DCAF5: variants seen among roughly 807,000 people sequenced by gnomAD.
DCAF5 encodes the protein DDB1- and CUL4-associated factor 5.
In DCAF5, 9 loss-of-function variants were observed where a neutral mutation model predicts 80.7. The ratio of observed to expected loss-of-function variants is 0.11; its 90% confidence interval spans 0.07 to 0.19. The LOEUF is 0.19. Ranked by LOEUF, DCAF5 falls within the 10% of genes least tolerant of loss-of-function variation. The pLI is 1.00. For synonymous variants in DCAF5, 433 were observed against 461.9 expected (o/e 0.94, Z 0.80); for missense variants, 842 against 1,205.7 (o/e 0.70, Z 4.47).
rs1055447114 is a variant in DCAF5, at chr14:69,054,675, A to T, written c.2011T>A (p.Tyr671Asn). 5 of 1,614,108 alleles carry T rather than the reference A, an allele frequency of 3.1e-6. No homozygotes were observed. Among genetic ancestry groups the T allele is most frequent in the Non-Finnish European group, 4.2e-6 (5 of 1,180,044 alleles). The change falls in exon 9 of 9, where the codon TAT becomes AAT. Residue 671 changes from tyrosine to asparagine, a missense_variant. Physicochemically the swap from Tyr to Asn is moderately radical, Grantham distance 143. Around this residue, in one of 5 missense-constraint regions of DCAF5, gnomAD observed 607 missense variants for 656.6 expected, o/e 0.92. Coordinates refer to ENST00000341516, the MANE Select transcript of DCAF5 (RefSeq NM_003861.3). ...TCTTTGTTATTTGAGTAGGAGATAT[A>T]AGAGTAGCGGAGCCACTTGTAAGCT... ...YKAYKWLRYS[Y>N]ISYSNNKDGE...
intron 5 of DCAF5, among the ~76,000 whole-genome samples, chr14:69,102,603 C>CACACACACACACACACACAT (rs2039999045): frequency 6.7e-6 from 1 of 148,824 alleles, no homozygotes; most frequent in Non-Finnish European, 1.5e-5. Flanking sequence ...CACACACACA[C>CACACACACACACACACACAT]ACACACACAC....
At position 69,118,808 on chromosome 14, in the gene DCAF5, T is replaced by A. The variant is rs1011893885; in HGVS notation, c.395+386A>T. 2.6e-5 allele frequency among the ~76,000 whole-genome samples: 4 copies of A among 152,166 alleles called. No individual in the cohort carries two copies. The highest frequency in any genetic ancestry group is 5.9e-5 in the Non-Finnish European group (4 of 68,038). On this transcript the variant is annotated intron_variant, in intron 3 of 8. Coordinates refer to ENST00000341516, the MANE Select transcript of DCAF5 (RefSeq NM_003861.3). The surrounding 1 kb of genome is among the most constrained non-coding windows in gnomAD (Gnocchi z 4.0). ...ATCTAGAACGGAGATGACAATAGTA[T>A]CTCCTCAGAAAATGAGTGTGAGGAT...
intron 7 of DCAF5, among the ~76,000 whole-genome samples, chr14:69,062,835 T>G (rs2038270746): frequency 6.6e-6 from 1 of 152,146 alleles, no homozygotes. Context: ...AGTGTTACCT[T>G]AGAAAAGGCC....
intron 8 of DCAF5, among the ~76,000 whole-genome samples, chr14:69,061,795 G>A (rs180774616): frequency 8.9e-4 from 136 of 152,296 alleles, no homozygotes; most frequent in Non-Finnish European, 1.8e-3. Flanking sequence ...TTTTGAAAAT[G>A]TTGCAGCATA....
At chr14:69,056,802 A>T (rs1240044221) in intron 8 of DCAF5, among the ~76,000 whole-genome samples, 2 of 152,126 alleles carry the variant, frequency 1.3e-5, no homozygotes, top group Non-Finnish European at 2.9e-5. Context: ...AATTCCTGAG[A>T]GGTGGTATCT....
At chr14:69,129,801 T>TCAGTGC (rs1357820792) in intron 1 of DCAF5, among the ~76,000 whole-genome samples, 3 of 152,172 alleles carry the variant, frequency 2.0e-5, no homozygotes, top group Non-Finnish European at 4.4e-5. Context: ...GCCTTTCTTC[T>TCAGTGC]CAGTGCCAGT....
intron 5 of DCAF5, among the ~76,000 whole-genome samples, chr14:69,101,901 C>T (rs1184077872): frequency 2.0e-5 from 3 of 152,040 alleles, no homozygotes; most frequent in East Asian, 1.9e-4. Flanking sequence ...AAATGGTACA[C>T]CTGTATAGGG....
In DCAF5 at chr14:69,122,233, A is replaced by C. The variant is rs754319614; in HGVS notation, c.342T>G (p.Thr114=). The part of the protein sequence containing the change: ...IFCLAFNSGN[T]KVFSGGNDEQ... ...CCTTTTTACCTCCAGAGAACACTTT[A>C]GTGTTCCCACTGTTGAAAGCCAGGC... is the stretch of plus-strand genomic sequence containing the variant. The change falls in exon 2 of 9, where the codon ACT becomes ACG. Residue 114 remains threonine, a synonymous_variant. Transcript: ENST00000341516. 6.7e-5 allele frequency: 108 copies of C among 1,613,650 alleles called. No individual in the cohort carries two copies. The South Asian group carries it at 1.1e-3, about 17-fold the overall frequency.
intron 6 of DCAF5, chr14:69,085,171 T>G (rs763903967): frequency 4.1e-6 from 3 of 739,808 alleles, no homozygotes; most frequent in Non-Finnish European, 7.5e-6. Context: ...CTGAAACAGA[T>G]CTTTAATGTT....
intron 8 of DCAF5, among the ~76,000 whole-genome samples, chr14:69,061,090 G>A (rs977930866): frequency 2.0e-5 from 3 of 151,678 alleles, no homozygotes; most frequent in Middle Eastern, 3.4e-3. Context: ...ACTGTAGCAC[G>A]ACCTCCTAGG....
chr14:69,152,406 C>T lies in DCAF5; in HGVS notation c.214+359G>A, dbSNP rs1365430218. 5.2e-6 allele frequency: 1 copy of T among 193,242 alleles called. No individual in the cohort carries two copies. The highest frequency in any genetic ancestry group is 2.3e-5 in the African/African-American group (1 of 42,624). 12.0% of individuals were successfully genotyped at this position (193,242 alleles called of 1,614,324 possible). On this transcript the variant is annotated intron_variant, in intron 1 of 8. Coordinates refer to ENST00000341516, the MANE Select transcript of DCAF5 (RefSeq NM_003861.3). The surrounding 1 kb of genome is among the most constrained non-coding windows in gnomAD (Gnocchi z 4.1). Reference sequence around the variant, plus strand: ...TCACCCTCCACATCCCCAAAATGCCCCCAGCACCTTTTAAAGTACGCGGAG... The same window carrying T: ...TCACCCTCCACATCCCCAAAATGCCTCCAGCACCTTTTAAAGTACGCGGAG...
chr14:69,151,327 CAGA>C (rs1278384370), intron 1 of DCAF5, among the ~76,000 whole-genome samples: 1 of 152,132 alleles, frequency 6.6e-6, no homozygotes. Context: ...AAAATGATCA[CAGA>C]AGACCTTTCT....
chr14:69,150,722 C>CAAA (rs11442310), intron 1 of DCAF5, among the ~76,000 whole-genome samples: 2 of 137,302 alleles, frequency 1.5e-5, no homozygotes, highest in African/African-American at 5.4e-5. Flanking sequence ...TCCACCTCTA[C>CAAA]AAAAAAAAAA....
chr14:69,140,091 T>C (rs1418088943), intron 1 of DCAF5, among the ~76,000 whole-genome samples: 3 of 151,466 alleles, frequency 2.0e-5, no homozygotes, highest in Non-Finnish European at 4.4e-5. Context: ...CGTAGAGAAA[T>C]CTCGTCTCTA....
chr14:69,122,481 G>T, intron 1 of DCAF5, 121 bp from the exon 2 acceptor site: 6 of 1,043,968 alleles, frequency 5.7e-6, no homozygotes, highest in Non-Finnish European at 8.2e-6. Context: ...CATAAGATTC[G>T]CATGGAGCAC....
intron 7 of DCAF5, among the ~76,000 whole-genome samples, chr14:69,074,025 G>T (rs189339703): frequency 6.6e-6 from 1 of 152,216 alleles, no homozygotes; most frequent in African/African-American, 2.4e-5. Flanking sequence ...AATTCTAGAA[G>T]AGGAAAAGCC....
At chr14:69,119,034 T>C in intron 3 of DCAF5, 160 bp downstream of exon 3, 1 of 651,204 alleles carries the variant, frequency 1.5e-6, no homozygotes, top group Non-Finnish European at 2.5e-6. Context: ...ATCAAAACTT[T>C]ATTTATTTCA....
intron 6 of DCAF5, chr14:69,084,663 T>G: frequency 8.7e-7 from 1 of 1,149,178 alleles, no homozygotes; most frequent in East Asian, 2.3e-5. Context: ...AAGAAGCTTA[T>G]GGCCTTCTTT....
chr14:69,147,940 T>C (rs1465480306), intron 1 of DCAF5, among the ~76,000 whole-genome samples: 2 of 152,092 alleles, frequency 1.3e-5, no homozygotes, highest in Admixed American at 1.3e-4. Context: ...GCCACTCTCA[T>C]TCCAAAGAGC....
Sources: gnomAD v4.1 joint callset for allele counts (sites outside exome capture counted in the v4.1 genomes callset) on GRCh38, gnomAD v4.1.1 for gene constraint, gnomAD v4.1.1 regional missense constraint, Gnocchi (gnomAD v3.1) non-coding constraint, MANE v1.5 for transcripts, NCBI Gene and HGNC (gene_info 2026-07-23, HGNC 2026-07-21) for gene names.